The following THSD7A variants were observed in gnomAD, a reference collection of about 807,000 sequenced individuals.
THSD7A encodes thrombospondin type 1 domain containing 7A.
THSD7A carries 96 observed loss-of-function variants against 231.3 expected under a neutral mutation model. The observed-to-expected ratio is 0.41, with a 90% CI of 0.35 to 0.49. The LOEUF (loss-of-function observed/expected upper bound fraction) is 0.49, where lower values mean the gene tolerates loss of function less well. Ranked by LOEUF, THSD7A falls within the 20% of genes least tolerant of loss-of-function variation. THSD7A has a pLI of 0.05. For missense variants in THSD7A, 2,290 were observed against 2,070.2 expected (o/e 1.11, Z -2.06); for synonymous variants, 940 against 743.3 (o/e 1.26, Z -4.30).
intron 6 of THSD7A, among the ~76,000 whole-genome samples, chr7:11,485,720 T>G (rs1219847454): frequency 6.6e-6 from 1 of 152,174 alleles, no homozygotes; most frequent in East Asian, 1.9e-4. Context: ...GCCAAGGCAG[T>G]AAATAATAGA....
At chr7:11,518,284 C>T (rs2128315268) in intron 6 of THSD7A, among the ~76,000 whole-genome samples, 1 of 152,178 alleles carries the variant, frequency 6.6e-6, no homozygotes, top group South Asian at 2.1e-4. Flanking sequence ...AAAGAAATTG[C>T]TTCTGATATG....
At chr7:11,589,426 G>A (rs1293510670) in intron 4 of THSD7A, among the ~76,000 whole-genome samples, 1 of 152,088 alleles carries the variant, frequency 6.6e-6, no homozygotes, top group African/African-American at 2.4e-5. Context: ...TGCAAGTAGT[G>A]TCTCTGTCGT....
At chr7:11,544,179 T>C (rs1010193627) in intron 4 of THSD7A, among the ~76,000 whole-genome samples, 4 of 152,014 alleles carry the variant, frequency 2.6e-5, no homozygotes, top group African/African-American at 7.2e-5. Context: ...CCGTCTCTAC[T>C]AAAAATACAA....
In THSD7A at chr7:11,428,482, T is replaced by A. The variant is rs535133511; in HGVS notation, c.3243+465A>T. 3.9e-5 allele frequency among the ~76,000 whole-genome samples: 6 copies of A among 152,320 alleles called. No homozygotes were observed. In the South Asian group the frequency reaches 1.2e-3, roughly 32 times the overall value. The stretch of plus-strand genomic sequence containing the variant: ...CATCTTTGTATTTCTTTTTCTCAGT[T>A]TGTTTTATATCAAACACATTTAAAT... On this transcript the variant is annotated intron_variant, in intron 14 of 27. Transcript: ENST00000423059.
chr7:11,702,472 T>C lies in THSD7A; in HGVS notation c.191-65511A>G, dbSNP rs141650426. Among the ~76,000 whole-genome samples, 615 of 151,334 alleles carry C rather than the reference T, an allele frequency of 4.1e-3. 4 individuals are homozygous for C. Among genetic ancestry groups the C allele is most frequent in the African/African-American group, 0.014 (586 of 41,432 alleles). On this transcript the variant is annotated intron_variant, in intron 1 of 27. Coordinates refer to ENST00000423059, the MANE Select transcript of THSD7A (RefSeq NM_015204.3). ...GGAATAACACCTGAAATCCTTCTCA[T>C]GGTTTAAATTTCTGATATCCTTTTC...
At chr7:11,414,104 C>T (rs746996329) in intron 17 of THSD7A, 1 of 152,240 alleles carries the variant, frequency 6.6e-6, no homozygotes, top group Non-Finnish European at 1.5e-5. Context: ...ATTTGTGCAG[C>T]AGGCAGGAAG....
chr7:11,578,165 A>C (rs1791002050), intron 4 of THSD7A, among the ~76,000 whole-genome samples: 1 of 152,220 alleles, frequency 6.6e-6, no homozygotes, highest in Non-Finnish European at 1.5e-5. Context: ...ATTTGGAGCG[A>C]AACTGTTATT....
At chr7:11,405,170 G>A (rs868308959) in intron 22 of THSD7A, among the ~76,000 whole-genome samples, 22 of 99,592 alleles carry the variant, frequency 2.2e-4, no homozygotes, top group Admixed American at 7.3e-4. Flanking sequence ...TTTTTTTTAC[G>A]AAGGAATAAG....
rs1789211745 is a variant in THSD7A at position 11,542,859 on chromosome 7, G to C, written c.1609+103C>G. 9 of 1,301,570 alleles carry C rather than the reference G, an allele frequency of 6.9e-6. No homozygotes were observed. The East Asian group carries it at 2.2e-4, about 32-fold the overall frequency. 80.6% of individuals were successfully genotyped at this position (1,301,570 alleles called of 1,614,324 possible). On this transcript the variant is annotated intron_variant, in intron 5 of 27. Transcript: ENST00000423059. ...GAAATTAATAGTCTTTAGCCATTCT[G>C]GAAAATACCACAAACAAGGAACACA...
At chr7:11,413,757 T>C (rs1213482398) in intron 17 of THSD7A, 1 of 152,222 alleles carries the variant, frequency 6.6e-6, no homozygotes, top group African/African-American at 2.4e-5. Context: ...ATGACACCAC[T>C]ATAGTAGATT....
intron 1 of THSD7A, among the ~76,000 whole-genome samples, chr7:11,684,847 A>G (rs1334902110): frequency 1.3e-5 from 2 of 152,026 alleles, no homozygotes; most frequent in African/African-American, 4.8e-5. Flanking sequence ...TATCAATGCC[A>G]TTCTTCCCAG....
chr7:11,498,392 A>T (rs1274052425), intron 6 of THSD7A, among the ~76,000 whole-genome samples: 1 of 152,110 alleles, frequency 6.6e-6, no homozygotes, highest in Non-Finnish European at 1.5e-5. Context: ...ACAGGAGCTC[A>T]ATCCTCTTCC....
At chr7:11,730,809 T>C (rs1781702462) in intron 1 of THSD7A, among the ~76,000 whole-genome samples, 1 of 151,636 alleles carries the variant, frequency 6.6e-6, no homozygotes, top group Admixed American at 6.6e-5. Flanking sequence ...CTCCTGAGAT[T>C]CACTTAATCC....
chr7:11,426,350 C>G (rs552295361), intron 15 of THSD7A, among the ~76,000 whole-genome samples: 1 of 152,120 alleles, frequency 6.6e-6, no homozygotes, highest in African/African-American at 2.4e-5. Context: ...TTCCTTCTCC[C>G]TCTGAAAAGC....
At chr7:11,664,382 A>G (rs1380977101) in intron 1 of THSD7A, among the ~76,000 whole-genome samples, 1 of 151,926 alleles carries the variant, frequency 6.6e-6, no homozygotes, top group East Asian at 1.9e-4. Context: ...TTGCTTACTT[A>G]TCTCCCATAA....
intron 1 of THSD7A, among the ~76,000 whole-genome samples, chr7:11,682,292 C>T (rs1478182828): frequency 1.3e-5 from 2 of 152,088 alleles, no homozygotes; most frequent in African/African-American, 4.8e-5. Context: ...CAATGCTCTA[C>T]TTAGAAGACG....
intron 1 of THSD7A, among the ~76,000 whole-genome samples, chr7:11,679,732 G>C (rs1296804581): frequency 2.0e-5 from 3 of 152,138 alleles, no homozygotes; most frequent in African/African-American, 7.2e-5. Flanking sequence ...CATGCTCATG[G>C]ATAGGAAGAA....
chr7:11,484,308 T>C (rs1168714137), intron 6 of THSD7A, among the ~76,000 whole-genome samples: 1 of 152,116 alleles, frequency 6.6e-6, no homozygotes, highest in African/African-American at 2.4e-5. Flanking sequence ...ATGACTTTTT[T>C]CCCTTTCCTC....
intron 2 of THSD7A, among the ~76,000 whole-genome samples, chr7:11,628,595 TTTA>T (rs1456219915): frequency 1.3e-5 from 2 of 152,184 alleles, no homozygotes; most frequent in African/African-American, 2.4e-5. Context: ...CCTCTAATAT[TTTA>T]TTGTTTCTTT....
Sources: gnomAD v4.1 joint callset for allele counts (sites outside exome capture counted in the v4.1 genomes callset) on GRCh38, gnomAD v4.1.1 for gene constraint, MANE v1.5 for transcripts, NCBI Gene and HGNC (gene_info 2026-07-23, HGNC 2026-07-21) for gene names.